SLC39A14: variants seen among roughly 807,000 people sequenced by gnomAD.
SLC39A14 encodes the protein solute carrier family 39 member 14, also known as metal cation symporter ZIP14.
SLC39A14 carries 19 observed loss-of-function variants against 45.5 expected under a neutral mutation model. That is an observed-to-expected ratio of 0.42 (90% confidence interval 0.29 to 0.61). The LOEUF (loss-of-function observed/expected upper bound fraction) is 0.61. Ranked by LOEUF, SLC39A14 falls within the 20% of genes least tolerant of loss-of-function variation. The pLI, the probability that SLC39A14 is intolerant of heterozygous loss-of-function variation, is 0.22. For missense variants in SLC39A14, 447 were observed against 616.5 expected, an observed-to-expected ratio of 0.73 and a Z score of 2.91; for synonymous variants, 264 against 251.3, an observed-to-expected ratio of 1.05 and a Z score of -0.48.
At chr8:22,381,818 A>T (rs1833529470) in intron 1 of SLC39A14, among the ~76,000 whole-genome samples, 1 of 151,900 alleles carries the variant, frequency 6.6e-6, no homozygotes, top group Admixed American at 6.6e-5. Flanking sequence ...ATAAACCAAT[A>T]AAAAAAACAA....
At chr8:22,389,877 T>C (rs1833974889) in intron 1 of SLC39A14, 1 of 156,014 alleles carries the variant, frequency 6.4e-6, no homozygotes, top group South Asian at 1.9e-4. Flanking sequence ...ATGCCGTGAA[T>C]TCACAGGGAA....
chr8:22,392,437 A>G (rs1000860246), intron 1 of SLC39A14, among the ~76,000 whole-genome samples: 1 of 152,044 alleles, frequency 6.6e-6, no homozygotes, highest in Admixed American at 6.6e-5. Context: ...CATTCTTTCT[A>G]TTTATTTATC....
rs763084858 is a variant in SLC39A14 at position 22,416,198 on chromosome 8, C to A, written c.1065C>A (p.Ile355=). ...GLHNFIDGLA[I]GASFTVSVFQ... ...ATAATTTCATCGATGGCCTGGCCAT[C>A]GGTGCTTCCTTCACTGTGTCAGTTT... Residue 355 remains isoleucine (I), a synonymous_variant, in exon 7 of 9, where the codon ATC becomes ATA. Transcript: ENST00000381237. 2 of 1,614,002 alleles carry A rather than the reference C, an allele frequency of 1.2e-6. No individual in the cohort carries two copies. Among genetic ancestry groups the A allele is most frequent in the Admixed American group, 1.7e-5 (1 of 60,010 alleles).
chr8:22,426,984 G>C (rs1836397839), downstream of SLC39A14, among the ~76,000 whole-genome samples: 2 of 151,560 alleles, frequency 1.3e-5, no homozygotes. Flanking sequence ...CACGATCAAT[G>C]TGCTCTCTTA....
At chr8:22,378,090 C>T (rs763324446) in intron 1 of SLC39A14, among the ~76,000 whole-genome samples, 54 of 152,162 alleles carry the variant, frequency 3.5e-4, no homozygotes, top group Non-Finnish European at 4.4e-4. Context: ...CACTCATTTC[C>T]ATACCACCTG....
chr8:22,406,887 G>A (rs750161954), intron 2 of SLC39A14, among the ~76,000 whole-genome samples: 1 of 152,150 alleles, frequency 6.6e-6, no homozygotes, highest in East Asian at 1.9e-4. Context: ...CCTTAGAAGC[G>A]CAGGCACTTA....
downstream of SLC39A14, among the ~76,000 whole-genome samples, chr8:22,423,005 G>A (rs1018798259): frequency 1.3e-5 from 2 of 151,794 alleles, no homozygotes; most frequent in Non-Finnish European, 2.9e-5. Flanking sequence ...TGTATTTTTA[G>A]TAGAGATGGG....
chr8:22,422,908 C>A (rs1459305632), downstream of SLC39A14, among the ~76,000 whole-genome samples: 1 of 152,124 alleles, frequency 6.6e-6, no homozygotes, highest in African/African-American at 2.4e-5. Flanking sequence ...ACTGCAACCT[C>A]CACCTCCTGG....
chr8:22,385,284 G>A (rs1196644807), intron 1 of SLC39A14, among the ~76,000 whole-genome samples: 1 of 152,198 alleles, frequency 6.6e-6, no homozygotes, highest in Non-Finnish European at 1.5e-5. Context: ...TGAATGGGCA[G>A]TGGGAAAGTA....
chr8:22,420,634 GAGACGTCTGC>G lies in SLC39A14; in HGVS notation c.*940_*949del. On this transcript the variant is annotated 3_prime_UTR_variant, in exon 9 of 9. Coordinates refer to ENST00000381237, the MANE Select transcript of SLC39A14 (RefSeq NM_001128431.4). ...TGCACAAACTATCCTCCCCCAGGTT[GAGACGTCTGC>G]AGAGTGGCAAGCTGACTTGTAGAAA... 1 of 985,426 alleles carries G rather than the reference GAGACGTCTGC, an allele frequency of 1.0e-6. No individual in the cohort carries two copies. 61.0% of individuals were successfully genotyped at this position (985,426 alleles called of 1,614,324 possible).
chr8:22,391,483 A>G (rs965948700), intron 1 of SLC39A14, among the ~76,000 whole-genome samples: 1 of 152,116 alleles, frequency 6.6e-6, no homozygotes. Context: ...TGGTCCTGAC[A>G]CCTGACTTCA....
In SLC39A14 at chr8:22,422,060, T is replaced by C. The variant is rs537518538; in HGVS notation, c.*2362T>C. On this transcript the variant is annotated 3_prime_UTR_variant, in exon 9 of 9. Transcript: ENST00000381237. ...ACAGCTTTGCCTCATGAGTCAAAAA[T>C]TGGCAATTTCTTTTGATTTTTAGTT... 2.0e-4 allele frequency: 202 copies of C among 985,420 alleles called. 2 individuals carry two copies. The Middle Eastern group carries it at 4.2e-3, about 20-fold the overall frequency. 61.0% of individuals were successfully genotyped at this position (985,420 alleles called of 1,614,324 possible).
intron 3 of SLC39A14, 45 bp downstream of exon 3, chr8:22,408,541 G>A (rs3817445): frequency 5.1e-6 from 8 of 1,560,840 alleles, no homozygotes; most frequent in East Asian, 2.3e-5. Flanking sequence ...CATCTCGCCC[G>A]CGTCTCACAA....
intron 1 of SLC39A14, among the ~76,000 whole-genome samples, chr8:22,403,742 A>G (rs1460139294): frequency 6.6e-6 from 1 of 150,682 alleles, no homozygotes; most frequent in Non-Finnish European, 1.5e-5. Flanking sequence ...ATATGGTGAA[A>G]CCCCATCTCT....
At chr8:22,409,965 C>T in intron 3 of SLC39A14, 1 of 1,614,086 alleles carries the variant, frequency 6.2e-7, no homozygotes, top group Non-Finnish European at 8.5e-7. Flanking sequence ...TTGGTTTTCT[C>T]AGTGTCTCAC....
downstream of SLC39A14, among the ~76,000 whole-genome samples, chr8:22,425,786 CCAAGATGGTAGCAT>C (rs979581013): frequency 3.0e-5 from 4 of 132,322 alleles, no homozygotes; most frequent in African/African-American, 1.0e-4. Flanking sequence ...GGGTCAGATT[CCAAGATGGTAGCAT>C]CAATTATGGT....
chr8:22,406,108 G>T (rs962063952), intron 2 of SLC39A14, among the ~76,000 whole-genome samples: 2 of 152,146 alleles, frequency 1.3e-5, no homozygotes, highest in East Asian at 3.9e-4. Flanking sequence ...TCGAGCGTGG[G>T]GTGTCCTCCA....
At chr8:22,397,596 A>G (rs1276582080) in intron 1 of SLC39A14, among the ~76,000 whole-genome samples, 1 of 151,896 alleles carries the variant, frequency 6.6e-6, no homozygotes, top group Non-Finnish European at 1.5e-5. Context: ...TCCCAAAAAA[A>G]AAAAAGAAAG....
intron 1 of SLC39A14, among the ~76,000 whole-genome samples, chr8:22,392,278 T>C (rs1389560147): frequency 3.3e-5 from 5 of 152,158 alleles, no homozygotes; most frequent in Non-Finnish European, 7.4e-5. Context: ...GTGCAGCCTT[T>C]AAGCTCTGTC....
Sources: allele counts gnomAD v4.1 joint callset (sites outside exome capture counted in the v4.1 genomes callset), GRCh38; gene constraint gnomAD v4.1.1; transcripts MANE v1.5; gene names NCBI Gene and HGNC (gene_info 2026-07-23, HGNC 2026-07-21).